Variants in LIN52 observed in about 807,000 individuals in gnomAD.
LIN52 encodes the protein lin-52 DREAM MuvB core complex component.
In LIN52, 4 loss-of-function variants were observed where a neutral mutation model predicts 18.5. The observed-to-expected ratio is 0.22, with a 90% CI of 0.11 to 0.49. The LOEUF (loss-of-function observed/expected upper bound fraction) is 0.49. Among genes scored for constraint, LIN52 ranks in the 20% least tolerant of loss-of-function variants. LIN52 has a pLI of 0.97. For synonymous variants in LIN52, 34 were observed against 45.5 expected, an observed-to-expected ratio of 0.75 and a Z score of 1.02; for missense variants, 102 against 139.5, an observed-to-expected ratio of 0.73 and a Z score of 1.35.
intron 5 of LIN52, among the ~76,000 whole-genome samples, chr14:74,169,186 T>C (rs1374975267): frequency 6.6e-6 from 1 of 152,232 alleles, no homozygotes; most frequent in Non-Finnish European, 1.5e-5. Flanking sequence ...TGACTGTTTC[T>C]AAAATGTCTT....
At chr14:74,131,734 CCTT>C (rs1294002127) in intron 5 of LIN52, among the ~76,000 whole-genome samples, 1 of 152,144 alleles carries the variant, frequency 6.6e-6, no homozygotes, top group Non-Finnish European at 1.5e-5. Flanking sequence ...TGTTTTTCCT[CCTT>C]TTATGAATTT....
At chr14:74,101,103 T>A (rs567630548) in intron 4 of LIN52, 52 bp from the exon 5 acceptor site, 1 of 1,447,154 alleles carries the variant, frequency 6.9e-7, no homozygotes, top group East Asian at 2.3e-5. Flanking sequence ...AGGAAGTTGC[T>A]ACTAGAGAAG....
chr14:74,095,895 A>G (rs750278427), intron 2 of LIN52, 53 bp from the exon 3 acceptor site: 31 of 1,174,522 alleles, frequency 2.6e-5, no homozygotes, highest in Admixed American at 4.0e-5. Context: ...TGGATCTTCT[A>G]TGCCTGAGCA....
intron 5 of LIN52, among the ~76,000 whole-genome samples, chr14:74,195,566 G>A (rs999513676): frequency 5.3e-5 from 8 of 151,364 alleles, no homozygotes; most frequent in African/African-American, 1.9e-4. Flanking sequence ...ATGTGTGTGT[G>A]TGTGTGTGTG....
intron 5 of LIN52, among the ~76,000 whole-genome samples, chr14:74,126,200 A>G (rs2061029186): frequency 6.6e-6 from 1 of 152,198 alleles, no homozygotes; most frequent in South Asian, 2.1e-4. Flanking sequence ...TAGGATGGCT[A>G]TAATTAAAGA....
chr14:74,188,750 A>G (rs1489088041), intron 5 of LIN52, among the ~76,000 whole-genome samples: 2 of 152,190 alleles, frequency 1.3e-5, no homozygotes, highest in African/African-American at 2.4e-5. Context: ...AAATTAATCA[A>G]TCCAAATGCA....
chr14:74,101,413 A>G (rs1056492702), intron 5 of LIN52, among the ~76,000 whole-genome samples, 175 bp downstream of exon 5: 10 of 151,680 alleles, frequency 6.6e-5, no homozygotes, highest in Non-Finnish European at 1.5e-4. Flanking sequence ...TTTATGGTGG[A>G]GTGTGGTGGA....
chr14:74,128,843 C>T (rs1222073207), intron 5 of LIN52, among the ~76,000 whole-genome samples: 1 of 152,092 alleles, frequency 6.6e-6, no homozygotes, highest in Non-Finnish European at 1.5e-5. Flanking sequence ...ACTCAGGAGG[C>T]TGAGGCATGA....
intron 5 of LIN52, among the ~76,000 whole-genome samples, chr14:74,190,414 CAG>C (rs2139594343): frequency 1.7e-5 from 1 of 58,126 alleles, no homozygotes; most frequent in African/African-American, 7.6e-5. Context: ...TTTTTTGAGA[CAG>C]AGTCTTACCC....
chr14:74,186,939 C>T (rs899394344), intron 5 of LIN52, among the ~76,000 whole-genome samples: 2 of 152,048 alleles, frequency 1.3e-5, no homozygotes, highest in African/African-American at 4.8e-5. Flanking sequence ...ATTAGCCGGG[C>T]GTTATGGCAC....
chr14:74,129,337 A>G, intron 5 of LIN52, among the ~76,000 whole-genome samples: 1 of 152,186 alleles, frequency 6.6e-6, no homozygotes, highest in East Asian at 1.9e-4. Context: ...AAGGTTTCTG[A>G]GAGGGCGCAG....
At chr14:74,171,267 A>G (rs951723570) in intron 5 of LIN52, among the ~76,000 whole-genome samples, 2 of 151,780 alleles carry the variant, frequency 1.3e-5, no homozygotes, top group Non-Finnish European at 2.9e-5. Context: ...GCTACTTGGG[A>G]GACTGAGGCA....
At chr14:74,190,947 G>C (rs576983629) in intron 5 of LIN52, among the ~76,000 whole-genome samples, 2 of 152,316 alleles carry the variant, frequency 1.3e-5, no homozygotes, top group African/African-American at 2.4e-5. Context: ...AGCTCCTTCT[G>C]CTCTTGACAG....
chr14:74,165,217 G>A (rs10132611), intron 5 of LIN52, among the ~76,000 whole-genome samples: 2,824 of 152,268 alleles, frequency 0.019, 57 homozygotes, highest in African/African-American at 0.05. Context: ...ACCCTGAGAA[G>A]ATAGGAGATA....
At chr14:74,196,714 T>C (rs759813318) in intron 5 of LIN52, among the ~76,000 whole-genome samples, 16 of 152,182 alleles carry the variant, frequency 1.1e-4, no homozygotes, top group Non-Finnish European at 1.9e-4. Context: ...CATTCATTCA[T>C]TCACTCACTC....
chr14:74,144,227 A>G (rs188248273), intron 5 of LIN52, among the ~76,000 whole-genome samples: 1 of 151,226 alleles, frequency 6.6e-6, no homozygotes, highest in East Asian at 1.9e-4. Flanking sequence ...GGGTCAAGAG[A>G]TCCTTCCGCC....
chr14:74,172,924 A>G (rs536071709), intron 5 of LIN52, among the ~76,000 whole-genome samples: 2 of 152,306 alleles, frequency 1.3e-5, no homozygotes, highest in Admixed American at 6.5e-5. Context: ...CAAATTGTGA[A>G]TGCAAAAAAG....
chr14:74,167,093 C>CCAA (rs2061252550), intron 5 of LIN52, among the ~76,000 whole-genome samples: 1 of 145,438 alleles, frequency 6.9e-6, no homozygotes, highest in Admixed American at 7.0e-5. Context: ...GGGGAAGAGG[C>CCAA]CAACACTGGC....
At chr14:74,102,280 A>G (rs1013765814) in intron 5 of LIN52, among the ~76,000 whole-genome samples, 1 of 152,232 alleles carries the variant, frequency 6.6e-6, no homozygotes, top group Non-Finnish European at 1.5e-5. Flanking sequence ...CTAATTTTCA[A>G]CTGATAGTCG....
Sources: gnomAD v4.1 joint callset for allele counts (sites outside exome capture counted in the v4.1 genomes callset) on GRCh38, gnomAD v4.1.1 for gene constraint, MANE v1.5 for transcripts, NCBI Gene and HGNC (gene_info 2026-07-23, HGNC 2026-07-21) for gene names.